Variants in LARP1 observed in about 807,000 individuals in gnomAD.
LARP1 encodes the protein La ribonucleoprotein 1, translational regulator, also known as la-related protein 1.
A neutral mutation model predicts 122.7 loss-of-function variants in LARP1; 36 were observed. The ratio of observed to expected loss-of-function variants is 0.29; its 90% confidence interval spans 0.22 to 0.39. The LOEUF (loss-of-function observed/expected upper bound fraction) is 0.39. Ranked by LOEUF, LARP1 falls within the 10% of genes least tolerant of loss-of-function variation. LARP1 has a pLI of 1.00. For synonymous variants in LARP1, 539 were observed against 528.7 expected (o/e 1.02, Z -0.27); for missense variants, 1,040 against 1,403.6 (o/e 0.74, Z 4.14).
At chr5:154,741,650 C>T (rs909167325) in intron 1 of LARP1, among the ~76,000 whole-genome samples, 16 of 152,022 alleles carry the variant, frequency 1.1e-4, no homozygotes, top group African/African-American at 3.4e-4. Context: ...GATGAGTTTC[C>T]GTGTGTTTCT....
intron 1 of LARP1, among the ~76,000 whole-genome samples, chr5:154,698,888 G>A (rs1754591471): frequency 6.6e-6 from 1 of 152,124 alleles, no homozygotes; most frequent in Admixed American, 6.5e-5. Flanking sequence ...GCATGCTTGC[G>A]CCTAGCTCTC....
Position 154,793,852 on chromosome 5 carries a change from A to G in LARP1, c.921A>G (p.Gln307=), listed in dbSNP as rs137864333. ...TGGCCCCCCCCACCCCAGCCTGGCA[A>G]CCAGAGATCAAACCGGAGCCTGCCT... ...VPVAPPTPAW[Q]PEIKPEPAWH... is the part of the protein sequence containing the mutation. The change falls in exon 6 of 19, where the codon CAA becomes CAG. Residue 307 remains glutamine, a synonymous_variant. Transcript: ENST00000518297. 1.4e-4 allele frequency: 224 copies of G among 1,614,036 alleles called. No homozygotes were observed. Among genetic ancestry groups the G allele is most frequent in the Non-Finnish European group, 1.8e-4 (213 of 1,180,020 alleles).
chr5:154,687,676 C>T (rs181853732), intron 1 of LARP1, among the ~76,000 whole-genome samples: 13 of 152,184 alleles, frequency 8.5e-5, no homozygotes, highest in African/African-American at 1.2e-4. Flanking sequence ...CCACTGCGCC[C>T]GGCCTGTATT....
chr5:154,700,726 C>T (rs979618538), intron 1 of LARP1, among the ~76,000 whole-genome samples: 5 of 151,562 alleles, frequency 3.3e-5, no homozygotes, highest in African/African-American at 4.8e-5. Context: ...CAGGCTCAAG[C>T]GATCCTCCCA....
intron 8 of LARP1, among the ~76,000 whole-genome samples, chr5:154,798,188 C>T (rs816716): frequency 0.017 from 2,565 of 152,268 alleles, 29 homozygotes; most frequent in East Asian, 0.037. Flanking sequence ...AAAACATTTA[C>T]GTGGTTCTAG....
chr5:154,785,798 A>G (rs1331168422), intron 1 of LARP1, among the ~76,000 whole-genome samples: 1 of 152,026 alleles, frequency 6.6e-6, no homozygotes, highest in Admixed American at 6.5e-5. Flanking sequence ...CCCTATTCCA[A>G]CCATCCCAGT....
intron 1 of LARP1, among the ~76,000 whole-genome samples, chr5:154,694,947 C>T (rs926385881): frequency 6.6e-6 from 1 of 152,048 alleles, no homozygotes; most frequent in African/African-American, 2.4e-5. Flanking sequence ...AGCAATCTTC[C>T]TGCCTCAGCC....
At chr5:154,696,325 C>G (rs1450059104) in intron 1 of LARP1, among the ~76,000 whole-genome samples, 3 of 152,096 alleles carry the variant, frequency 2.0e-5, no homozygotes, top group Non-Finnish European at 4.4e-5. Flanking sequence ...CCACTACTCT[C>G]TAGCCTCAGT....
chr5:154,691,509 CG>C (rs1453539274), intron 1 of LARP1, among the ~76,000 whole-genome samples: 2 of 152,162 alleles, frequency 1.3e-5, no homozygotes, highest in Non-Finnish European at 2.9e-5. Flanking sequence ...GCGGGGTCCG[CG>C]GGTGGCGGCC....
intron 1 of LARP1, among the ~76,000 whole-genome samples, chr5:154,705,327 G>A (rs551347880): frequency 3.3e-5 from 5 of 152,164 alleles, no homozygotes; most frequent in East Asian, 1.9e-4. Flanking sequence ...GAGTTATCTC[G>A]ATTGTTCACA....
At chr5:154,726,577 G>A (rs10213775) in intron 1 of LARP1, among the ~76,000 whole-genome samples, 2,198 of 152,166 alleles carry the variant, frequency 0.014, 67 homozygotes, top group African/African-American at 0.05. Flanking sequence ...AATCTATCAC[G>A]GAGTATCAAA....
At chr5:154,713,099 A>C in exon 1 of LARP1, 1 of 1,613,976 alleles carries the variant, frequency 6.2e-7, no homozygotes, top group East Asian at 2.2e-5. Context: ...AGCCATTGCC[A>C]TTCCCTGTCC....
upstream of LARP1, among the ~76,000 whole-genome samples, chr5:154,753,650 A>G (rs115187928): frequency 0.012 from 1,844 of 152,320 alleles, 38 homozygotes; most frequent in African/African-American, 0.042. Context: ...ATGAGCTCAG[A>G]GGGTGGAAGC....
intron 1 of LARP1, chr5:154,705,731 A>G (rs1754918020): frequency 6.6e-6 from 1 of 152,322 alleles, no homozygotes; most frequent in South Asian, 2.1e-4. Flanking sequence ...GTCTTTAAAA[A>G]AAAAGGCAAA....
At chr5:154,693,525 T>C (rs1318605361) in intron 1 of LARP1, among the ~76,000 whole-genome samples, 1 of 152,136 alleles carries the variant, frequency 6.6e-6, no homozygotes, top group Non-Finnish European at 1.5e-5. Flanking sequence ...TACTGTCTCA[T>C]TTATTAATTT....
intron 1 of LARP1, among the ~76,000 whole-genome samples, chr5:154,701,600 G>T (rs1033448249): frequency 1.3e-5 from 2 of 151,368 alleles, no homozygotes; most frequent in East Asian, 2.0e-4. Context: ...GATATGGTCC[G>T]AACTTTGGGG....
At chr5:154,738,936 TAAAAC>T (rs1561555567) in intron 1 of LARP1, among the ~76,000 whole-genome samples, 1 of 151,980 alleles carries the variant, frequency 6.6e-6, no homozygotes, top group Non-Finnish European at 1.5e-5. Flanking sequence ...AACAGAAACA[TAAAAC>T]AAAACAAAAA....
chr5:154,796,573 C>G (rs867124156), intron 8 of LARP1, among the ~76,000 whole-genome samples: 6 of 151,970 alleles, frequency 3.9e-5, no homozygotes, highest in African/African-American at 1.2e-4. Flanking sequence ...AGTTTTTTCC[C>G]CTCCTTGTCA....
intron 1 of LARP1, among the ~76,000 whole-genome samples, chr5:154,775,968 G>C (rs1178272272): frequency 6.6e-6 from 1 of 152,180 alleles, no homozygotes; most frequent in Non-Finnish European, 1.5e-5. Flanking sequence ...GGCTTCCTGA[G>C]GTAAATGCCT....
Sources: gnomAD v4.1 joint callset for allele counts (sites outside exome capture counted in the v4.1 genomes callset) on GRCh38, gnomAD v4.1.1 for gene constraint, MANE v1.5 for transcripts, NCBI Gene and HGNC (gene_info 2026-07-23, HGNC 2026-07-21) for gene names.